ADCYAP1R1: variants seen among roughly 807,000 people sequenced by gnomAD.
The protein encoded by ADCYAP1R1 is ADCYAP receptor type I.
A neutral mutation model predicts 67.6 loss-of-function variants in ADCYAP1R1; 44 were observed. That is an observed-to-expected ratio of 0.65 (90% CI 0.51 to 0.84). The LOEUF is 0.84. Ranked by LOEUF, ADCYAP1R1 falls within the 40% of genes least tolerant of loss-of-function variation. ADCYAP1R1 has a pLI of 0.00. For missense variants in ADCYAP1R1, 477 were observed against 587.9 expected (o/e 0.81, Z 1.95); for synonymous variants, 222 against 219.6 (o/e 1.01, Z -0.10).
Position 31,067,374 on chromosome 7 carries a change from A to G in ADCYAP1R1, c.157+2438A>G, listed in dbSNP as rs564534240. 2.4e-4 allele frequency among the ~76,000 whole-genome samples: 37 copies of G among 152,298 alleles called. 1 individual carries two copies. The highest frequency in any genetic ancestry group is 2.1e-3 in the Admixed American group (32 of 15,302). On this transcript the variant is annotated intron_variant, in intron 3 of 15. Coordinates refer to ENST00000304166, the MANE Select transcript of ADCYAP1R1 (RefSeq NM_001118.5). ...AAGGCCCAGTTGGACCACCAACTCCATGACCCTTTCCTGCTCTGGGCCTCA... is the reference window on the plus strand; with the variant it reads ...AAGGCCCAGTTGGACCACCAACTCCGTGACCCTTTCCTGCTCTGGGCCTCA...
In ADCYAP1R1 at chr7:31,086,671, T is replaced by C; in HGVS notation, c.823+134T>C. Reference sequence around the variant, plus strand: ...CCTGCCCGAGTCTAATGGCCTAGGCTCTGTCTTGGACTCTTTCTCAATCTT... The same window carrying C: ...CCTGCCCGAGTCTAATGGCCTAGGCCCTGTCTTGGACTCTTTCTCAATCTT... On this transcript the variant is annotated intron_variant, in intron 10 of 15. Transcript: ENST00000304166. The surrounding 1 kb of genome is among the most constrained non-coding windows in gnomAD (Gnocchi z 5.0). The C allele has an allele frequency of 8.9e-7, 1 of 1,128,080 alleles. No homozygotes were observed. Among genetic ancestry groups the C allele is most frequent in the Non-Finnish European group, 1.3e-6 (1 of 791,292 alleles). 69.9% of individuals were successfully genotyped at this position (1,128,080 alleles called of 1,614,324 possible).
rs201050891 is a variant in ADCYAP1R1 at position 31,085,458 on chromosome 7, A to G, written c.669+16A>G. On this transcript the variant is annotated intron_variant, in intron 9 of 15. Coordinates refer to ENST00000304166, the MANE Select transcript of ADCYAP1R1 (RefSeq NM_001118.5). ...CATCTCCACTGTGAGTGAGCCAAGC[A>G]GACCCATTAGGGCTCTGCCGGGAAG... The G allele has an allele frequency of 9.8e-5, 157 of 1,610,230 alleles. 1 individual carries two copies. The African/African-American group carries it at 1.6e-3, about 17-fold the overall frequency.
rs1249626449 is a variant in ADCYAP1R1, at chr7:31,066,290, TG to T, written c.157+1358del. 2.0e-5 allele frequency among the ~76,000 whole-genome samples: 3 copies of T among 152,268 alleles called. No individual in the cohort carries two copies. In the East Asian group the frequency reaches 5.8e-4, roughly 29 times the overall value. On this transcript the variant is annotated intron_variant, in intron 3 of 15. Coordinates refer to ENST00000304166, the MANE Select transcript of ADCYAP1R1 (RefSeq NM_001118.5). The stretch of plus-strand genomic sequence containing the variant: ...CTGCATTGCGTGTCTCAGATACATT[TG>T]GGGTTGAGCGACAAAATCATCCAGG...
intron 13 of ADCYAP1R1, chr7:31,095,806 G>T: frequency 1.4e-6 from 1 of 708,170 alleles, no homozygotes; most frequent in Non-Finnish European, 2.6e-6. Flanking sequence ...AGACCAAGAC[G>T]GTATTCCTGG....
chr7:31,084,879 G>A (rs950535980), intron 8 of ADCYAP1R1, 45 bp downstream of exon 8: 1 of 1,539,688 alleles, frequency 6.5e-7, no homozygotes, highest in Non-Finnish European at 9.0e-7. Flanking sequence ...AGCTGGCCAG[G>A]GCCTCAGAGG....
intron 8 of ADCYAP1R1, 61 bp from the exon 9 acceptor site, chr7:31,085,249 A>G: frequency 6.3e-7 from 1 of 1,577,136 alleles, no homozygotes; most frequent in Non-Finnish European, 8.6e-7. Flanking sequence ...AGATGCCCAC[A>G]TGGAGGGTGT....
chr7:31,056,572 C>T (rs1320393472), intron 1 of ADCYAP1R1, among the ~76,000 whole-genome samples: 4 of 152,000 alleles, frequency 2.6e-5, no homozygotes, highest in Admixed American at 6.6e-5. Flanking sequence ...CTCATTTTTC[C>T]GTGTCTCTGG....
At chr7:31,056,135 G>A (rs1794230583) in intron 1 of ADCYAP1R1, among the ~76,000 whole-genome samples, 1 of 152,116 alleles carries the variant, frequency 6.6e-6, no homozygotes, top group African/African-American at 2.4e-5. Context: ...CAATGAACAT[G>A]ATGAGACCTG....
At chr7:31,085,970 T>C (rs947711850) in intron 9 of ADCYAP1R1, among the ~76,000 whole-genome samples, 3 of 152,170 alleles carry the variant, frequency 2.0e-5, no homozygotes, top group African/African-American at 7.2e-5. Context: ...GGAGCCTCTA[T>C]GAGTAGAGAT....
intron 13 of ADCYAP1R1, 88 bp from the exon 14 acceptor site, chr7:31,103,149 G>A: frequency 1.3e-6 from 2 of 1,533,764 alleles, no homozygotes; most frequent in Non-Finnish European, 1.8e-6. Context: ...GGGAGAATAA[G>A]GGACTGGGGC....
In ADCYAP1R1 at chr7:31,084,262, C is replaced by A; in HGVS notation, c.438+12C>A. The A allele has an allele frequency of 1.2e-6, 2 of 1,606,840 alleles. No homozygotes were observed. Among genetic ancestry groups the A allele is most frequent in the Non-Finnish European group, 1.7e-6 (2 of 1,173,594 alleles). Reference sequence around the variant, plus strand: ...AGACTGGGGACCAGGTGAGTGTCTGCACCCTGCTCCCCAGAGGTGGTGAGG... The same window carrying A: ...AGACTGGGGACCAGGTGAGTGTCTGAACCCTGCTCCCCAGAGGTGGTGAGG... On this transcript the variant is annotated intron_variant, in intron 7 of 15. Transcript: ENST00000304166.
chr7:31,076,703 C>T (rs1239355316), intron 3 of ADCYAP1R1, among the ~76,000 whole-genome samples: 2 of 152,178 alleles, frequency 1.3e-5, no homozygotes, highest in African/African-American at 2.4e-5. Context: ...CCCTCTTCTC[C>T]AGCTGATGAA....
chr7:31,087,747 A>C, intron 12 of ADCYAP1R1, 51 bp downstream of exon 12: 1 of 1,478,586 alleles, frequency 6.8e-7, no homozygotes, highest in Non-Finnish European at 9.4e-7. Flanking sequence ...TCTTGGGCAG[A>C]AAGGCACGCG....
chr7:31,089,952 ACGTG>A (rs1161342758), intron 12 of ADCYAP1R1, among the ~76,000 whole-genome samples: 2 of 152,116 alleles, frequency 1.3e-5, no homozygotes, highest in African/African-American at 4.8e-5. Flanking sequence ...TCTTAGGTAC[ACGTG>A]TGTGTGTATC....
intron 1 of ADCYAP1R1, among the ~76,000 whole-genome samples, 185 bp from the exon 2 acceptor site, chr7:31,063,009 A>G (rs1794572377): frequency 6.6e-6 from 1 of 152,194 alleles, no homozygotes; most frequent in Non-Finnish European, 1.5e-5. Flanking sequence ...GCACAGACTG[A>G]GTGCCTAGCA....
chr7:31,095,499 G>A (rs762503864), intron 13 of ADCYAP1R1, among the ~76,000 whole-genome samples: 7 of 152,138 alleles, frequency 4.6e-5, no homozygotes, highest in Non-Finnish European at 1.0e-4. Flanking sequence ...GCACTGGGAG[G>A]AGGGGAGAAT....
In ADCYAP1R1 at chr7:31,109,616, A is replaced by G. The variant is rs1404103324; in HGVS notation, c.*2932A>G. On this transcript the variant is annotated 3_prime_UTR_variant, in exon 16 of 16. Coordinates refer to ENST00000304166, the MANE Select transcript of ADCYAP1R1 (RefSeq NM_001118.5). ...GGGGTTTCTCGTTCTATGCAATCCT[A>G]AAGGACGAAACTCACCCATGGGAGG... 1 of 152,140 alleles carries G rather than the reference A, an allele frequency of 6.6e-6. No homozygotes were observed. The highest frequency in any genetic ancestry group is 2.4e-5 in the African/African-American group (1 of 41,412). The allele number at this position is 152,140 out of a possible 1,614,324, so 9.4% of individuals were successfully genotyped here.
intron 13 of ADCYAP1R1, chr7:31,100,342 C>A: frequency 1.8e-6 from 1 of 555,998 alleles, no homozygotes; most frequent in Non-Finnish European, 2.9e-6. Flanking sequence ...CCGGCTGTTG[C>A]ATGTTGGTGT....
intron 13 of ADCYAP1R1, among the ~76,000 whole-genome samples, chr7:31,093,321 G>A (rs1796045094): frequency 6.6e-6 from 1 of 151,782 alleles, no homozygotes; most frequent in African/African-American, 2.4e-5. Context: ...AATTGGTTGG[G>A]GATTATTGGG....
Sources: gnomAD v4.1 joint callset for allele counts (sites outside exome capture counted in the v4.1 genomes callset) on GRCh38, gnomAD v4.1.1 for gene constraint, Gnocchi (gnomAD v3.1) non-coding constraint, MANE v1.5 for transcripts, NCBI Gene and HGNC (gene_info 2026-07-23, HGNC 2026-07-21) for gene names.